Variants in CACNA2D3 observed in about 807,000 individuals in gnomAD.
The protein encoded by CACNA2D3 is calcium voltage-gated channel auxiliary subunit alpha2delta 3, also known as voltage-dependent calcium channel subunit alpha-2/delta-3.
In CACNA2D3, 60 loss-of-function variants were observed where a neutral mutation model predicts 160.6. The observed-to-expected ratio is 0.37, with a 90% CI of 0.30 to 0.46. The LOEUF is 0.46. CACNA2D3 is among the 20% of genes least tolerant of loss of function. The probability of loss-of-function intolerance (pLI) is 1.00; values close to 1 mark genes in which losing one functional copy is unlikely to be tolerated. For missense variants in CACNA2D3, 1,205 were observed against 1,365.0 expected (o/e 0.88, Z 1.85); for synonymous variants, 558 against 492.9 (o/e 1.13, Z -1.75).
chr3:54,317,793 C>G (rs535916655), intron 2 of CACNA2D3, among the ~76,000 whole-genome samples: 20 of 152,316 alleles, frequency 1.3e-4, no homozygotes, highest in African/African-American at 4.3e-4. Flanking sequence ...CCCACCTTGG[C>G]CTCCCAAAGT....
At chr3:54,529,858 G>A (rs764686597) in intron 5 of CACNA2D3, among the ~76,000 whole-genome samples, 2 of 152,028 alleles carry the variant, frequency 1.3e-5, no homozygotes, top group Non-Finnish European at 2.9e-5. Flanking sequence ...TTTCACAAGC[G>A]GCCATCAGGA....
chr3:54,663,893 G>A (rs1700016457), intron 11 of CACNA2D3, among the ~76,000 whole-genome samples: 1 of 152,184 alleles, frequency 6.6e-6, no homozygotes, highest in African/African-American at 2.4e-5. Context: ...CTTGCGTCCT[G>A]ATGGTGTAGT....
At chr3:54,930,223 C>T (rs945583722) in intron 27 of CACNA2D3, among the ~76,000 whole-genome samples, 1 of 152,134 alleles carries the variant, frequency 6.6e-6, no homozygotes, top group African/African-American at 2.4e-5. Flanking sequence ...TCTCACTAGT[C>T]CACCACCCCA....
chr3:54,323,735 G>A (rs1041322439), intron 3 of CACNA2D3, among the ~76,000 whole-genome samples: 4 of 152,126 alleles, frequency 2.6e-5, no homozygotes, highest in African/African-American at 7.2e-5. Context: ...CAAAGTGCTG[G>A]GATTACAGGC....
chr3:54,939,073 G>T (rs1166730417), intron 27 of CACNA2D3, among the ~76,000 whole-genome samples: 1 of 152,204 alleles, frequency 6.6e-6, no homozygotes, highest in East Asian at 1.9e-4. Context: ...TTATTTAGCA[G>T]TTTATTATTT....
chr3:54,819,751 A>G (rs1575494107), intron 14 of CACNA2D3, among the ~76,000 whole-genome samples: 1 of 152,076 alleles, frequency 6.6e-6, no homozygotes, highest in Non-Finnish European at 1.5e-5. Flanking sequence ...AGGCTGGGGC[A>G]GGAGAATTGC....
At chr3:54,715,304 G>T (rs1374475193) in intron 11 of CACNA2D3, among the ~76,000 whole-genome samples, 1 of 152,146 alleles carries the variant, frequency 6.6e-6, no homozygotes, top group Non-Finnish European at 1.5e-5. Flanking sequence ...AGATGGTAGA[G>T]ATGCACAGGG....
At chr3:54,677,690 T>C (rs552599769) in intron 11 of CACNA2D3, among the ~76,000 whole-genome samples, 1 of 152,044 alleles carries the variant, frequency 6.6e-6, no homozygotes, top group South Asian at 2.1e-4. Context: ...TGTTTTATTA[T>C]CATGAAATAT....
At chr3:54,950,176 C>A (rs994198160) in intron 27 of CACNA2D3, among the ~76,000 whole-genome samples, 34 of 152,208 alleles carry the variant, frequency 2.2e-4, no homozygotes, top group Admixed American at 2.2e-3. Flanking sequence ...TTCCATACAG[C>A]CGAGGTAGCT....
intron 4 of CACNA2D3, among the ~76,000 whole-genome samples, chr3:54,431,683 G>T (rs1699993006): frequency 6.6e-6 from 1 of 152,150 alleles, no homozygotes; most frequent in Non-Finnish European, 1.5e-5. Flanking sequence ...CGTGATCTTG[G>T]CTCACTGCAA....
intron 4 of CACNA2D3, among the ~76,000 whole-genome samples, chr3:54,474,336 G>A (rs1700790259): frequency 6.6e-6 from 1 of 152,002 alleles, no homozygotes; most frequent in Admixed American, 6.6e-5. Context: ...CTCATCAGTG[G>A]GAGCTGAACA....
At chr3:54,407,952 A>C (rs1242235768) in intron 4 of CACNA2D3, among the ~76,000 whole-genome samples, 1 of 152,146 alleles carries the variant, frequency 6.6e-6, no homozygotes, top group African/African-American at 2.4e-5. Flanking sequence ...TCCACCTCAC[A>C]TACTATGATT....
intron 13 of CACNA2D3, among the ~76,000 whole-genome samples, chr3:54,780,558 C>G (rs1411672396): frequency 6.6e-6 from 1 of 152,134 alleles, no homozygotes; most frequent in Non-Finnish European, 1.5e-5. Context: ...AAATTTGATA[C>G]TGGGAGAGGC....
At chr3:54,380,630 C>T (rs755655443) in intron 3 of CACNA2D3, among the ~76,000 whole-genome samples, 2 of 151,732 alleles carry the variant, frequency 1.3e-5, no homozygotes, top group African/African-American at 2.4e-5. Flanking sequence ...CCCAGCCACT[C>T]GGGAGGCCGA....
chr3:54,266,537 C>T (rs553587076), intron 2 of CACNA2D3, among the ~76,000 whole-genome samples: 31 of 152,252 alleles, frequency 2.0e-4, no homozygotes, highest in Admixed American at 8.5e-4. Context: ...ATCTTAGGAA[C>T]GCAAGCCCTG....
chr3:54,483,201 T>C (rs1425413595), intron 4 of CACNA2D3, among the ~76,000 whole-genome samples: 1 of 152,248 alleles, frequency 6.6e-6, no homozygotes, highest in South Asian at 2.1e-4. Flanking sequence ...TTTGCACTTT[T>C]TGTATGCATT....
intron 5 of CACNA2D3, among the ~76,000 whole-genome samples, chr3:54,504,844 T>C (rs1034014051): frequency 3.3e-5 from 5 of 152,200 alleles, no homozygotes; most frequent in Non-Finnish European, 5.9e-5. Flanking sequence ...GGGATAATGA[T>C]GCTGCCTCCG....
At chr3:54,288,554 C>T (rs1047472723) in intron 2 of CACNA2D3, among the ~76,000 whole-genome samples, 4 of 152,236 alleles carry the variant, frequency 2.6e-5, no homozygotes, top group Admixed American at 2.6e-4. Flanking sequence ...AAGAGGGAAT[C>T]CTCCCTAACT....
At chr3:54,299,618 A>G (rs140066584) in intron 2 of CACNA2D3, among the ~76,000 whole-genome samples, 1 of 152,328 alleles carries the variant, frequency 6.6e-6, no homozygotes, top group East Asian at 1.9e-4. Context: ...ACGGAACACA[A>G]AATGAATGCA....
Sources: allele counts gnomAD v4.1 joint callset (sites outside exome capture counted in the v4.1 genomes callset), GRCh38; gene constraint gnomAD v4.1.1; transcripts MANE v1.5; gene names NCBI Gene and HGNC (gene_info 2026-07-23, HGNC 2026-07-21).